Variants in SLC15A5 observed in about 807,000 individuals in gnomAD.
SLC15A5 encodes Peptide/histidine transporter ENSP00000340402.
A neutral mutation model predicts 56.1 loss-of-function variants in SLC15A5; 58 were observed. The ratio of observed to expected loss-of-function variants is 1.03; its 90% confidence interval spans 0.84 to 1.29. SLC15A5 has a LOEUF of 1.29. Among genes scored for constraint, SLC15A5 ranks in the 50% most tolerant of loss-of-function variants. The pLI is 0.00. For synonymous variants in SLC15A5, 264 were observed against 250.5 expected, an observed-to-expected ratio of 1.05 and a Z score of -0.51; for missense variants, 681 against 672.1, an observed-to-expected ratio of 1.01 and a Z score of -0.15.
chr12:16,197,711 G>A (rs1257763003), intron 7 of SLC15A5, among the ~76,000 whole-genome samples: 2 of 150,902 alleles, frequency 1.3e-5, no homozygotes, highest in African/African-American at 2.4e-5. Flanking sequence ...GCTTGATCTT[G>A]GGTCTGTCTC....
chr12:16,214,108 C>T (rs1269917092), intron 7 of SLC15A5, among the ~76,000 whole-genome samples: 1 of 152,004 alleles, frequency 6.6e-6, no homozygotes, highest in Non-Finnish European at 1.5e-5. Flanking sequence ...ATTTTTTCTG[C>T]CCTAATCGTT....
chr12:16,248,513 A>G (rs1234382980), intron 3 of SLC15A5, among the ~76,000 whole-genome samples: 1 of 152,118 alleles, frequency 6.6e-6, no homozygotes, highest in Non-Finnish European at 1.5e-5. Flanking sequence ...GATCAACTGG[A>G]CTGAGAGAGA....
chr12:16,217,016 T>C lies in SLC15A5; in HGVS notation c.1360A>G (p.Ile454Val), dbSNP rs1864136242. The C allele has an allele frequency of 6.5e-7, 1 of 1,533,568 alleles. No individual in the cohort carries two copies. The highest frequency in any genetic ancestry group is 8.7e-7 in the Non-Finnish European group (1 of 1,145,778). The allele number at this position is 1,533,568 out of a possible 1,614,324, so 95.0% of individuals were successfully genotyped here. The stretch of plus-strand genomic sequence containing the variant: ...TTGCTTGGAACAAATCTGTATGATA[T>C]TACAGAGACTGAGAGAAAAAGAGAG... ...ETLVNPALSVISYRFVPSNVR... is the reference protein window; with the variant it reads ...ETLVNPALSVVSYRFVPSNVR... The change falls in exon 7 of 9, where the codon ATA (isoleucine) becomes GTA (valine). Residue 454 changes from isoleucine (I) to valine (V), a missense_variant. Ile to Val is a conservative substitution (Grantham distance 29). Transcript: ENST00000344941.
At chr12:16,261,063 A>T (rs1363246976) in intron 2 of SLC15A5, among the ~76,000 whole-genome samples, 1 of 151,530 alleles carries the variant, frequency 6.6e-6, no homozygotes, top group Non-Finnish European at 1.5e-5. Context: ...TTTTTTTTTT[A>T]AAGAGCTTTA....
chr12:16,239,542 A>G (rs1478765523), intron 5 of SLC15A5, 139 bp downstream of exon 5: 3 of 798,030 alleles, frequency 3.8e-6, no homozygotes, highest in East Asian at 5.5e-5. Context: ...GATGGGTGTT[A>G]TCAGTCACAA....
At chr12:16,195,297 G>T (rs1435520109) in intron 7 of SLC15A5, among the ~76,000 whole-genome samples, 1 of 151,768 alleles carries the variant, frequency 6.6e-6, no homozygotes, top group African/African-American at 2.4e-5. Context: ...AAATTTTGGG[G>T]TATTGTTTAA....
intron 6 of SLC15A5, among the ~76,000 whole-genome samples, chr12:16,224,211 T>G (rs1180033801): frequency 6.6e-6 from 1 of 152,210 alleles, no homozygotes; most frequent in Non-Finnish European, 1.5e-5. Context: ...CAGGCAGAAT[T>G]GATAATTGTT....
chr12:16,212,912 G>T (rs1447827389), intron 7 of SLC15A5, among the ~76,000 whole-genome samples: 1 of 152,144 alleles, frequency 6.6e-6, no homozygotes, highest in Non-Finnish European at 1.5e-5. Context: ...AAAGAACTGT[G>T]AGGAGTAGAA....
At chr12:16,272,042 C>T (rs1193361841) in intron 2 of SLC15A5, among the ~76,000 whole-genome samples, 6 of 152,196 alleles carry the variant, frequency 3.9e-5, no homozygotes, top group African/African-American at 1.4e-4. Context: ...TTTATAATCT[C>T]TGCCAAATTA....
At chr12:16,194,030 GC>G (rs1370397654) in intron 8 of SLC15A5, among the ~76,000 whole-genome samples, 1 of 151,966 alleles carries the variant, frequency 6.6e-6, no homozygotes, top group African/African-American at 2.4e-5. Context: ...AATGGTATTT[GC>G]TTTTAGTGGT....
At chr12:16,209,095 T>C (rs553031056) in intron 7 of SLC15A5, among the ~76,000 whole-genome samples, 2 of 151,746 alleles carry the variant, frequency 1.3e-5, no homozygotes, top group Non-Finnish European at 2.9e-5. Context: ...CTGAAATGAC[T>C]CTTATTAAAG....
At chr12:16,217,735 C>G (rs1864144363) in intron 6 of SLC15A5, among the ~76,000 whole-genome samples, 2 of 151,958 alleles carry the variant, frequency 1.3e-5, no homozygotes, top group African/African-American at 4.8e-5. Context: ...CCTACTTGTG[C>G]AGGCACTGTA....
At chr12:16,203,864 A>AG (rs1863987399) in intron 7 of SLC15A5, among the ~76,000 whole-genome samples, 1 of 152,226 alleles carries the variant, frequency 6.6e-6, no homozygotes, top group Non-Finnish European at 1.5e-5. Context: ...ATGCAGATGA[A>AG]GACATACACA....
chr12:16,257,823 A>G lies in SLC15A5; in HGVS notation c.632T>C (p.Ile211Thr), dbSNP rs369867366. ...NLNATIVFLG[I>T]SYIQHSQAWA... ...GGCCTGTGAGTGCTGGATGTAAGAT[A>G]TTCCCAGAAACACAATAGTTGCATT... The change falls in exon 3 of 9, where the codon ATA (isoleucine) becomes ACA (threonine). Residue 211 changes from isoleucine to threonine, a missense_variant. By Grantham distance (89) the Ile-to-Thr change is moderately conservative (BLOSUM62 -1). Coordinates refer to ENST00000344941, the MANE Select transcript of SLC15A5 (RefSeq NM_001170798.1). The G allele has an allele frequency of 8.5e-6, 13 of 1,520,814 alleles. No homozygotes were observed. Among genetic ancestry groups the G allele is most frequent in the Non-Finnish European group, 9.6e-6 (11 of 1,141,422 alleles). The allele number at this position is 1,520,814 out of a possible 1,614,324, so 94.2% of individuals were successfully genotyped here. A position where few individuals can be genotyped will look rare whatever the true frequency, so the allele number is the denominator to read the frequency against.
intron 5 of SLC15A5, among the ~76,000 whole-genome samples, chr12:16,232,912 T>C (rs1474076886): frequency 2.2e-5 from 3 of 135,762 alleles, no homozygotes; most frequent in Non-Finnish European, 4.6e-5. Context: ...CTAGACTCTG[T>C]CTAAAAAAGA....
chr12:16,265,768 C>G (rs951962910), intron 2 of SLC15A5, among the ~76,000 whole-genome samples: 1 of 152,158 alleles, frequency 6.6e-6, no homozygotes, highest in African/African-American at 2.4e-5. Flanking sequence ...GAAACATGAG[C>G]CACTACACCC....
chr12:16,260,394 G>A (rs755662923), intron 2 of SLC15A5, among the ~76,000 whole-genome samples: 4 of 151,916 alleles, frequency 2.6e-5, no homozygotes, highest in African/African-American at 9.7e-5. Flanking sequence ...CCCTACGTTC[G>A]TTTGTTGTGT....
At chr12:16,254,303 A>G (rs1864547636) in intron 3 of SLC15A5, among the ~76,000 whole-genome samples, 2 of 152,068 alleles carry the variant, frequency 1.3e-5, no homozygotes, top group Admixed American at 1.3e-4. Flanking sequence ...AAAGTAGAAA[A>G]GCATTTACCA....
At chr12:16,202,564 C>A (rs1238358990) in intron 7 of SLC15A5, among the ~76,000 whole-genome samples, 8 of 152,054 alleles carry the variant, frequency 5.3e-5, no homozygotes, top group Non-Finnish European at 7.4e-5. Context: ...AATAGCATTA[C>A]CATAGCATTA....
Sources: gnomAD v4.1 joint callset for allele counts (sites outside exome capture counted in the v4.1 genomes callset) on GRCh38, gnomAD v4.1.1 for gene constraint, MANE v1.5 for transcripts, NCBI Gene and HGNC (gene_info 2026-07-23, HGNC 2026-07-21) for gene names.